The following IGF2BP3 variants were observed in gnomAD, a reference collection of about 807,000 sequenced individuals.
IGF2BP3 encodes insulin-like growth factor 2 mRNA-binding protein 3.
In IGF2BP3, 9 loss-of-function variants were observed where a neutral mutation model predicts 73.8. That is an observed-to-expected ratio of 0.12 (90% CI 0.07 to 0.21). IGF2BP3 has a LOEUF of 0.21. IGF2BP3 is among the 10% of genes least tolerant of loss of function. IGF2BP3 has a pLI of 1.00. For synonymous variants in IGF2BP3, 258 were observed against 256.7 expected, an observed-to-expected ratio of 1.01 and a Z score of -0.05; for missense variants, 542 against 714.0, an observed-to-expected ratio of 0.76 and a Z score of 2.75.
Position 23,351,441 on chromosome 7 carries a change from C to T in IGF2BP3, c.547G>A (p.Gly183Arg). 6.2e-7 allele frequency: 1 copy of T among 1,613,600 alleles called. No homozygotes were observed. The highest frequency in any genetic ancestry group is 8.5e-7 in the Non-Finnish European group (1 of 1,179,812). ...GLGQRGSSRQ[G>R]SPGSVSKQKP... Reference sequence around the variant, plus strand: ...TGCTTGGATACGGATCCTGGAGACCCCTGCCTTGAGGAGCCCCTCTGCCCA... The same window carrying T: ...TGCTTGGATACGGATCCTGGAGACCTCTGCCTTGAGGAGCCCCTCTGCCCA... Residue 183 changes from glycine (G) to arginine (R), a missense_variant, in exon 6 of 15, where the codon GGG (glycine) becomes AGG (arginine). By Grantham distance (125) the Gly-to-Arg change is moderately radical. Coordinates refer to ENST00000258729, the MANE Select transcript of IGF2BP3 (RefSeq NM_006547.3).
intron 2 of IGF2BP3, among the ~76,000 whole-genome samples, chr7:23,447,749 A>C (rs1788100114): frequency 6.6e-6 from 1 of 152,118 alleles, no homozygotes; most frequent in South Asian, 2.1e-4. Flanking sequence ...GGAATTTGGC[A>C]GGCAGATCTA....
At chr7:23,419,129 G>C (rs916580509) in intron 2 of IGF2BP3, among the ~76,000 whole-genome samples, 4 of 152,168 alleles carry the variant, frequency 2.6e-5, no homozygotes, top group South Asian at 2.1e-4. Flanking sequence ...AAATCCGTTA[G>C]CTTCAAATTA....
chr7:23,362,457 A>C (rs1785254654), intron 3 of IGF2BP3: 1 of 152,196 alleles, frequency 6.6e-6, no homozygotes, highest in East Asian at 1.9e-4. Flanking sequence ...AAAAGTGTGA[A>C]ATGAAGCAAA....
chr7:23,335,565 C>T (rs1480948906), intron 10 of IGF2BP3, among the ~76,000 whole-genome samples: 1 of 152,050 alleles, frequency 6.6e-6, no homozygotes, highest in African/African-American at 2.4e-5. Flanking sequence ...GCATAAACCA[C>T]CGCGCCTGGC....
intron 2 of IGF2BP3, among the ~76,000 whole-genome samples, chr7:23,424,601 A>G (rs1333807700): frequency 1.3e-5 from 2 of 151,902 alleles, no homozygotes; most frequent in Non-Finnish European, 2.9e-5. Flanking sequence ...ATCACAAAAG[A>G]AAGAGTCAAT....
intron 10 of IGF2BP3, among the ~76,000 whole-genome samples, chr7:23,340,441 G>C (rs1250610608): frequency 6.6e-6 from 1 of 152,166 alleles, no homozygotes; most frequent in African/African-American, 2.4e-5. Context: ...AGGATAAAAG[G>C]GGGACAATCT....
At chr7:23,322,262 T>G (rs1037712527) in intron 10 of IGF2BP3, among the ~76,000 whole-genome samples, 2 of 152,102 alleles carry the variant, frequency 1.3e-5, no homozygotes, top group African/African-American at 4.8e-5. Flanking sequence ...GCTCGAGAAC[T>G]ACGTGAAGAA....
intron 3 of IGF2BP3, among the ~76,000 whole-genome samples, chr7:23,363,503 T>C (rs1026344797): frequency 3.3e-5 from 5 of 152,196 alleles, no homozygotes; most frequent in Non-Finnish European, 7.4e-5. Flanking sequence ...CAGCTGGGCC[T>C]CCCCAAGTGC....
intron 3 of IGF2BP3, among the ~76,000 whole-genome samples, chr7:23,408,478 GA>G (rs952637812): frequency 6.6e-6 from 1 of 150,456 alleles, no homozygotes; most frequent in African/African-American, 2.4e-5. Flanking sequence ...CTACTATTTA[GA>G]AAAAAAAACA....
Position 23,423,995 on chromosome 7 carries a change from G to A in IGF2BP3, c.237-5171C>T, listed in dbSNP as rs1436710169. On this transcript the variant is annotated intron_variant, in intron 2 of 14. Transcript: ENST00000258729. ...TAGCTGGGCATGGTGGTATGCGCCT[G>A]CAATCCCAGCTACTCAGGAGGCTGA... Among the ~76,000 whole-genome samples the A allele has an allele frequency of 7.2e-5, 11 of 152,212 alleles. No homozygotes were observed. The East Asian group carries it at 2.1e-3, about 29-fold the overall frequency.
chr7:23,464,502 A>T (rs1425141677), intron 2 of IGF2BP3, among the ~76,000 whole-genome samples: 1 of 152,002 alleles, frequency 6.6e-6, no homozygotes, highest in Non-Finnish European at 1.5e-5. Flanking sequence ...GAGCTTAGGC[A>T]CCACAGTCTG....
intron 2 of IGF2BP3, among the ~76,000 whole-genome samples, chr7:23,461,685 C>A (rs539517600): frequency 6.6e-6 from 1 of 152,162 alleles, no homozygotes; most frequent in Admixed American, 6.5e-5. Flanking sequence ...CATCTCCTGC[C>A]GGAATATTAC....
At chr7:23,380,563 T>TA (rs952502804) in intron 3 of IGF2BP3, among the ~76,000 whole-genome samples, 3 of 152,192 alleles carry the variant, frequency 2.0e-5, no homozygotes, top group Non-Finnish European at 4.4e-5. Context: ...ACTGATTCCC[T>TA]ACTAACTACC....
At chr7:23,437,471 G>A (rs1584043764) in intron 2 of IGF2BP3, among the ~76,000 whole-genome samples, 3 of 145,316 alleles carry the variant, frequency 2.1e-5, no homozygotes, top group East Asian at 2.0e-4. Flanking sequence ...GGACAAGAGC[G>A]AGACTTCATT....
chr7:23,333,438 GA>G (rs1312862034), intron 10 of IGF2BP3, among the ~76,000 whole-genome samples: 1 of 152,200 alleles, frequency 6.6e-6, no homozygotes, highest in Non-Finnish European at 1.5e-5. Context: ...CTGCTGTTGT[GA>G]GAAACAAAAA....
intron 3 of IGF2BP3, among the ~76,000 whole-genome samples, chr7:23,391,116 T>A (rs138479032): frequency 6.2e-5 from 9 of 146,018 alleles, no homozygotes; most frequent in African/African-American, 2.3e-4. Context: ...TTTTTTTTTT[T>A]TAAGACAGAT....
intron 2 of IGF2BP3, among the ~76,000 whole-genome samples, chr7:23,423,455 A>G (rs1787408030): frequency 6.6e-6 from 1 of 152,232 alleles, no homozygotes; most frequent in Non-Finnish European, 1.5e-5. Context: ...CATATTAATT[A>G]CCAAGTCATT....
At chr7:23,335,908 G>C (rs537135861) in intron 10 of IGF2BP3, among the ~76,000 whole-genome samples, 2 of 152,320 alleles carry the variant, frequency 1.3e-5, no homozygotes, top group Admixed American at 6.5e-5. Flanking sequence ...AAGTTTGCCA[G>C]TTAAGTACTG....
intron 9 of IGF2BP3, among the ~76,000 whole-genome samples, chr7:23,342,833 G>A (rs745626054): frequency 2.6e-5 from 4 of 152,184 alleles, no homozygotes; most frequent in Non-Finnish European, 5.9e-5. Flanking sequence ...GCCTAAGGGG[G>A]TTAGATTTAA....
Sources: allele counts gnomAD v4.1 joint callset (sites outside exome capture counted in the v4.1 genomes callset), GRCh38; gene constraint gnomAD v4.1.1; transcripts MANE v1.5; gene names NCBI Gene and HGNC (gene_info 2026-07-23, HGNC 2026-07-21).